EYS: variants seen among roughly 807,000 people sequenced by gnomAD.
EYS encodes EGF-like photoreceptor maintenance factor, also known as protein eyes shut homolog.
EYS carries 250 observed loss-of-function variants against 282.1 expected under a neutral mutation model. The observed-to-expected ratio is 0.89, with a 90% CI of 0.80 to 0.98. The LOEUF (loss-of-function observed/expected upper bound fraction) is 0.98, where lower values mean the gene tolerates loss of function less well. Ranked by LOEUF, EYS falls within the 50% of genes least tolerant of loss-of-function variation. EYS has a pLI of 0.00. For missense variants in EYS, 4,016 were observed against 3,709.0 expected (o/e 1.08, Z -2.15); for synonymous variants, 1,355 against 1,282.9 (o/e 1.06, Z -1.20).
intron 26 of EYS, among the ~76,000 whole-genome samples, chr6:64,450,873 T>C (rs984593977): frequency 1.3e-5 from 2 of 152,148 alleles, no homozygotes; most frequent in African/African-American, 4.8e-5. Flanking sequence ...TAGAGGGAAA[T>C]TTATAGCACT....
At chr6:63,929,811 A>G (rs1158326180) in intron 35 of EYS, among the ~76,000 whole-genome samples, 1 of 151,940 alleles carries the variant, frequency 6.6e-6, no homozygotes, top group Non-Finnish European at 1.5e-5. Context: ...CTTTCCTCTC[A>G]CTGTATGATT....
chr6:65,490,526 T>A, intron 5 of EYS, 68 bp downstream of exon 5: 1 of 859,516 alleles, frequency 1.2e-6, no homozygotes, highest in Non-Finnish European at 1.9e-6. Flanking sequence ...ATTTCACATT[T>A]AATTTGAAAT....
intron 35 of EYS, among the ~76,000 whole-genome samples, chr6:63,947,987 C>A (rs1765448614): frequency 6.6e-6 from 1 of 152,182 alleles, no homozygotes; most frequent in African/African-American, 2.4e-5. Context: ...ACATTACATT[C>A]TGCTGAGGTT....
chr6:64,376,232 T>C (rs902983837), intron 29 of EYS, among the ~76,000 whole-genome samples: 25 of 152,128 alleles, frequency 1.6e-4, no homozygotes, highest in African/African-American at 6.0e-4. Flanking sequence ...TCAGACTTAA[T>C]TGTCAGGGAA....
rs571298069 is a variant in EYS at position 65,249,311 on chromosome 6, G to A, written c.2023+46552C>T. Among the ~76,000 whole-genome samples, 4 of 152,006 alleles carry A rather than the reference G, an allele frequency of 2.6e-5. No homozygotes were observed. In the South Asian group the frequency reaches 8.3e-4, roughly 32 times the overall value. ...AATGATAAATCAGAACTTACACACT[G>A]TGTTTTAAGATGTGAATGGCTGTAT... On this transcript the variant is annotated intron_variant, in intron 12 of 42. Coordinates refer to ENST00000503581, the MANE Select transcript of EYS (RefSeq NM_001142800.2).
intron 31 of EYS, among the ~76,000 whole-genome samples, chr6:64,151,511 C>T (rs1774736494): frequency 2.0e-5 from 3 of 150,922 alleles, no homozygotes; most frequent in South Asian, 4.2e-4. Flanking sequence ...CAGGCTTGCG[C>T]CACCAATGAC....
chr6:65,473,073 A>G (rs1236247105), intron 5 of EYS, among the ~76,000 whole-genome samples: 1 of 151,978 alleles, frequency 6.6e-6, no homozygotes, highest in Admixed American at 6.6e-5. Flanking sequence ...AATGAATCCA[A>G]TGGTGCTAAA....
rs1351004565 is a variant in EYS, at chr6:64,524,441, A to G, written c.5644+65782T>C. Among the ~76,000 whole-genome samples, 3 of 151,460 alleles carry G rather than the reference A, an allele frequency of 2.0e-5. No homozygotes were observed. The Admixed American group carries it at 2.0e-4, about 10-fold the overall frequency. On this transcript the variant is annotated intron_variant, in intron 26 of 42. Transcript: ENST00000503581. Reference sequence around the variant, plus strand: ...TCTGTAGGTTGTCTATTTCCTCTGTAGATAGTTTCTTTTGCTGTGCGTAAG... The same window carrying G: ...TCTGTAGGTTGTCTATTTCCTCTGTGGATAGTTTCTTTTGCTGTGCGTAAG...
chr6:63,931,382 T>G (rs901925479), intron 35 of EYS, among the ~76,000 whole-genome samples: 3 of 152,200 alleles, frequency 2.0e-5, no homozygotes, highest in African/African-American at 7.2e-5. Flanking sequence ...TCCCTTTGTT[T>G]CTAACATTGT....
chr6:65,167,180 A>G (rs1764993019), intron 12 of EYS, among the ~76,000 whole-genome samples: 1 of 151,216 alleles, frequency 6.6e-6, no homozygotes, highest in African/African-American at 2.4e-5. Flanking sequence ...TAGCAATTTT[A>G]TCCTAAGAAA....
chr6:63,766,936 A>T (rs1413578581), intron 40 of EYS, among the ~76,000 whole-genome samples: 1 of 152,122 alleles, frequency 6.6e-6, no homozygotes, highest in Non-Finnish European at 1.5e-5. Flanking sequence ...ACATACACAA[A>T]TTGATAAATT....
At chr6:65,009,880 A>T (rs942303524) in intron 13 of EYS, among the ~76,000 whole-genome samples, 2 of 152,206 alleles carry the variant, frequency 1.3e-5, no homozygotes, top group African/African-American at 2.4e-5. Context: ...GCTTATCCTC[A>T]TCCCAAAACC....
intron 26 of EYS, among the ~76,000 whole-genome samples, chr6:64,507,529 T>G (rs540837155): frequency 9.2e-5 from 14 of 152,216 alleles, no homozygotes; most frequent in Middle Eastern, 3.2e-3. Flanking sequence ...GAAGAGGGAA[T>G]GAAGTGCATT....
intron 22 of EYS, among the ~76,000 whole-genome samples, chr6:64,781,208 T>G (rs1773848584): frequency 6.6e-6 from 1 of 151,202 alleles, no homozygotes; most frequent in Non-Finnish European, 1.5e-5. Flanking sequence ...ATGAACATTT[T>G]TTTTAGAATA....
At chr6:65,491,308 G>C (rs1253437709) in intron 4 of EYS, 4 of 216,394 alleles carry the variant, frequency 1.8e-5, no homozygotes, top group Non-Finnish European at 2.7e-5. Context: ...CACACACACA[G>C]CCTTCCATAA....
At chr6:64,421,813 G>A (rs1298599185) in intron 28 of EYS, among the ~76,000 whole-genome samples, 4 of 151,678 alleles carry the variant, frequency 2.6e-5, no homozygotes, top group Non-Finnish European at 4.4e-5. Flanking sequence ...AGGGAGCGAA[G>A]AAGAGAGAGA....
intron 12 of EYS, among the ~76,000 whole-genome samples, chr6:65,245,212 A>T (rs1767149880): frequency 6.6e-6 from 1 of 152,182 alleles, no homozygotes; most frequent in Admixed American, 6.6e-5. Context: ...TCACAAACCA[A>T]TATGTAAATA....
At chr6:65,599,450 G>A (rs900684813) in intron 2 of EYS, among the ~76,000 whole-genome samples, 2 of 151,946 alleles carry the variant, frequency 1.3e-5, no homozygotes, top group Non-Finnish European at 2.9e-5. Context: ...CAACCGTCAG[G>A]TCCAAGACTT....
chr6:64,177,860 G>T (rs961439928), intron 31 of EYS, among the ~76,000 whole-genome samples: 9 of 152,030 alleles, frequency 5.9e-5, no homozygotes, highest in African/African-American at 2.2e-4. Flanking sequence ...TGTCCAGAAG[G>T]TTTTCCCCTT....
Sources: gnomAD v4.1 joint callset for allele counts (sites outside exome capture counted in the v4.1 genomes callset) on GRCh38, gnomAD v4.1.1 for gene constraint, MANE v1.5 for transcripts, NCBI Gene and HGNC (gene_info 2026-07-23, HGNC 2026-07-21) for gene names.